The following PPARG variants were observed in gnomAD, a reference collection of about 807,000 sequenced individuals.
The protein encoded by PPARG is peroxisome proliferator-activated receptor gamma.
PPARG carries 17 observed loss-of-function variants against 39.2 expected under a neutral mutation model. The observed-to-expected ratio is 0.43, with a 90% CI of 0.30 to 0.65. The LOEUF (loss-of-function observed/expected upper bound fraction) is 0.65, where lower values mean the gene tolerates loss of function less well. PPARG is among the 30% of genes least tolerant of loss of function. PPARG has a pLI of 0.13. For missense variants in PPARG, 406 were observed against 585.9 expected, an observed-to-expected ratio of 0.69 and a Z score of 3.17; for synonymous variants, 223 against 215.7, an observed-to-expected ratio of 1.03 and a Z score of -0.30.
chr3:12,332,602 A>G (rs1437773658), intron 2 of PPARG, among the ~76,000 whole-genome samples: 1 of 152,196 alleles, frequency 6.6e-6, no homozygotes, highest in Non-Finnish European at 1.5e-5. Context: ...AGGCCTAGGT[A>G]TATCAGTACA....
intron 2 of PPARG, among the ~76,000 whole-genome samples, chr3:12,366,210 T>C (rs2049011076): frequency 6.6e-6 from 1 of 152,048 alleles, no homozygotes; most frequent in Non-Finnish European, 1.5e-5. Context: ...TGTTTGGGGG[T>C]AATGTGTTTT....
At chr3:12,373,024 C>T (rs1220818926) in intron 2 of PPARG, among the ~76,000 whole-genome samples, 1 of 152,164 alleles carries the variant, frequency 6.6e-6, no homozygotes, top group African/African-American at 2.4e-5. Context: ...GTTCTTGTTA[C>T]TGAGAAGGGC....
chr3:12,355,555 A>G (rs932955881), intron 2 of PPARG, among the ~76,000 whole-genome samples: 1 of 151,848 alleles, frequency 6.6e-6, no homozygotes, highest in Non-Finnish European at 1.5e-5. Flanking sequence ...TTCTGACTTA[A>G]CTCTGATTAA....
intron 2 of PPARG, among the ~76,000 whole-genome samples, chr3:12,347,142 G>T (rs1482262508): frequency 6.6e-6 from 1 of 151,342 alleles, no homozygotes; most frequent in Non-Finnish European, 1.5e-5. Context: ...AGCCTAGATT[G>T]TGCCACTGCA....
chr3:12,316,298 C>G (rs937647878), intron 2 of PPARG, among the ~76,000 whole-genome samples: 9 of 152,196 alleles, frequency 5.9e-5, no homozygotes, highest in Admixed American at 3.9e-4. Flanking sequence ...GCCGGTAACT[C>G]TTGTGTATGT....
At chr3:12,293,154 T>C (rs1008184369) in intron 1 of PPARG, among the ~76,000 whole-genome samples, 1 of 152,236 alleles carries the variant, frequency 6.6e-6, no homozygotes, top group Non-Finnish European at 1.5e-5. Flanking sequence ...CATGAATTTT[T>C]TTTCCTACTG....
chr3:12,428,475 A>T (rs1449749665), intron 7 of PPARG, among the ~76,000 whole-genome samples: 3 of 152,252 alleles, frequency 2.0e-5, no homozygotes, highest in Non-Finnish European at 4.4e-5. Flanking sequence ...ACTCAACTGT[A>T]ACCTCAGCAA....
chr3:12,381,623 AC>A, intron 4 of PPARG, 132 bp downstream of exon 4: 1 of 921,402 alleles, frequency 1.1e-6, no homozygotes, highest in Non-Finnish European at 1.7e-6. Context: ...TGTCACCCAG[AC>A]CAGAGTGCAG....
chr3:12,304,680 C>T (rs1412266286), intron 1 of PPARG, among the ~76,000 whole-genome samples: 1 of 152,064 alleles, frequency 6.6e-6, no homozygotes, highest in Non-Finnish European at 1.5e-5. Context: ...TGGTATTACA[C>T]AGTATTTACC....
At chr3:12,387,259 G>A (rs1227874446) in intron 4 of PPARG, among the ~76,000 whole-genome samples, 1 of 152,084 alleles carries the variant, frequency 6.6e-6, no homozygotes, top group African/African-American at 2.4e-5. Flanking sequence ...TGGGTCAAAT[G>A]GTATTTCTAG....
chr3:12,371,916 A>T, intron 2 of PPARG: 1 of 712,034 alleles, frequency 1.4e-6, no homozygotes, highest in Non-Finnish European at 2.6e-6. Context: ...GTAAATTCCC[A>T]GGTCAGTTTA....
chr3:12,383,492 C>T (rs1276543680), intron 4 of PPARG, among the ~76,000 whole-genome samples: 1 of 151,898 alleles, frequency 6.6e-6, no homozygotes, highest in African/African-American at 2.4e-5. Context: ...GAGTTGGATA[C>T]CATTTTTGAG....
chr3:12,328,312 C>T, intron 2 of PPARG: 1 of 1,043,358 alleles, frequency 9.6e-7, no homozygotes, highest in Non-Finnish European at 1.5e-6. Context: ...TCCTGCCCCT[C>T]TCATTCCTGG....
intron 2 of PPARG, among the ~76,000 whole-genome samples, chr3:12,313,078 A>C (rs994988277): frequency 2.6e-5 from 4 of 152,250 alleles, no homozygotes; most frequent in Non-Finnish European, 1.5e-5. Context: ...TTAGTCCCCA[A>C]CTTTTTTGGG....
rs1172098161 is a variant in PPARG at position 12,308,727 on chromosome 3, A to T, written c.-82-3653A>T. ...GAGTATTTACACCACAAAAATTGGC[A>T]AACACTACCAATCAGGGCATTTTTC... On this transcript the variant is annotated intron_variant, in intron 1 of 7. Transcript: ENST00000651735. Among the ~76,000 whole-genome samples the T allele has an allele frequency of 5.3e-5, 8 of 152,202 alleles. 1 individual carries two copies. The highest frequency in any genetic ancestry group is 1.9e-4 in the African/African-American group (8 of 41,458).
intron 1 of PPARG, among the ~76,000 whole-genome samples, chr3:12,301,254 A>G (rs143594913): frequency 3.3e-5 from 5 of 152,342 alleles, no homozygotes; most frequent in African/African-American, 9.6e-5. Flanking sequence ...GAGACTTTCA[A>G]TGGCAACTGT....
At chr3:12,403,466 C>G (rs989152682) in intron 5 of PPARG, among the ~76,000 whole-genome samples, 1 of 152,044 alleles carries the variant, frequency 6.6e-6, no homozygotes, top group African/African-American at 2.4e-5. Flanking sequence ...CCTTCCACCT[C>G]AGCCTCCTGA....
intron 2 of PPARG, among the ~76,000 whole-genome samples, chr3:12,357,937 T>C (rs2048720135): frequency 6.6e-6 from 1 of 152,226 alleles, no homozygotes; most frequent in Non-Finnish European, 1.5e-5. Flanking sequence ...TCTTGTTGAC[T>C]TATTAATACC....
chr3:12,431,321 A>G (rs1379840786), intron 7 of PPARG, among the ~76,000 whole-genome samples: 4 of 152,256 alleles, frequency 2.6e-5, no homozygotes, highest in South Asian at 2.1e-4. Context: ...TTAGAAAAGA[A>G]CTATGAGAGT....
Sources: gnomAD v4.1 joint callset for allele counts (sites outside exome capture counted in the v4.1 genomes callset) on GRCh38, gnomAD v4.1.1 for gene constraint, MANE v1.5 for transcripts, NCBI Gene and HGNC (gene_info 2026-07-23, HGNC 2026-07-21) for gene names.